Variants in SGK1 observed in about 807,000 individuals in gnomAD.
SGK1 encodes the protein serine/threonine-protein kinase Sgk1.
A neutral mutation model predicts 64.2 loss-of-function variants in SGK1; 26 were observed. The observed-to-expected ratio is 0.40, with a 90% confidence interval of 0.30 to 0.56. The LOEUF is 0.56. Among genes scored for constraint, SGK1 ranks in the 20% least tolerant of loss-of-function variants. SGK1 has a pLI of 0.38. For missense variants in SGK1, 519 were observed against 645.6 expected (o/e 0.80, Z 2.12); for synonymous variants, 265 against 239.7 (o/e 1.11, Z -0.98).
chr6:134,170,266 G>T lies in SGK1; in HGVS notation c.*2C>A. 1.2e-6 allele frequency: 2 copies of T among 1,609,636 alleles called. No homozygotes were observed. Among genetic ancestry groups the T allele is most frequent in the South Asian group, 1.1e-5 (1 of 90,904 alleles). The stretch of plus-strand genomic sequence containing the variant: ...TCCTTTAAAACCAAGCCCTAACAGG[G>T]TTCAGAGGAAAGAGTCCGTGGGAGG... On this transcript the variant is annotated 3_prime_UTR_variant, in exon 14 of 14. Coordinates refer to ENST00000367858, the MANE Select transcript of SGK1 (RefSeq NM_001143676.3).
At chr6:134,177,675 G>A (rs200679258) in intron 3 of SGK1, 23 of 1,613,864 alleles carry the variant, frequency 1.4e-5, no homozygotes, top group Middle Eastern at 1.7e-4. Flanking sequence ...TTCAAAGGGG[G>A]TTTTATAGCT....
At chr6:134,191,329 A>G (rs1775505441) in intron 3 of SGK1, among the ~76,000 whole-genome samples, 1 of 152,170 alleles carries the variant, frequency 6.6e-6, no homozygotes, top group African/African-American at 2.4e-5. Flanking sequence ...TCCCCCATAC[A>G]ATATTCCTGA....
intron 2 of SGK1, among the ~76,000 whole-genome samples, chr6:134,231,910 G>A (rs958909619): frequency 2.0e-5 from 3 of 151,290 alleles, no homozygotes. Context: ...CGTGGTGGCA[G>A]AAGCCTGTAA....
At chr6:134,228,841 CTTTTTTTTT>C (rs754300980) in intron 2 of SGK1, among the ~76,000 whole-genome samples, 1 of 129,960 alleles carries the variant, frequency 7.7e-6, no homozygotes, top group Admixed American at 8.1e-5. Flanking sequence ...TGTAGTTGTT[CTTTTTTTTT>C]TTTTTTTTTT....
intron 1 of SGK1, chr6:134,297,797 G>C (rs763403743): frequency 1.3e-5 from 8 of 603,878 alleles, no homozygotes; most frequent in Non-Finnish European, 2.4e-5. Flanking sequence ...CACTGCGCCC[G>C]GCCTAGATCT....
intron 2 of SGK1, among the ~76,000 whole-genome samples, chr6:134,247,044 T>C (rs1402671920): frequency 2.0e-5 from 3 of 152,052 alleles, no homozygotes; most frequent in African/African-American, 7.2e-5. Context: ...GCAAGTAATA[T>C]GCCCAGAGAC....
chr6:134,232,973 T>A (rs1776312998), intron 2 of SGK1, among the ~76,000 whole-genome samples: 1 of 150,228 alleles, frequency 6.7e-6, no homozygotes, highest in Non-Finnish European at 1.5e-5. Flanking sequence ...CTTCAATTTT[T>A]AATAATATTT....
At chr6:134,177,252 CAAAA>C (rs1175257516) in intron 3 of SGK1, among the ~76,000 whole-genome samples, 7 of 151,758 alleles carry the variant, frequency 4.6e-5, no homozygotes, top group South Asian at 2.1e-4. Flanking sequence ...AAAACAAAAA[CAAAA>C]AAAACACTAG....
intron 1 of SGK1, among the ~76,000 whole-genome samples, chr6:134,272,462 G>GTGT (rs1224313861): frequency 2.0e-5 from 3 of 146,764 alleles, no homozygotes; most frequent in Non-Finnish European, 4.5e-5. Context: ...CCTCATTCCA[G>GTGT]TGTTGTTGTT....
intron 2 of SGK1, among the ~76,000 whole-genome samples, chr6:134,213,804 C>T (rs573763277): frequency 1.3e-5 from 2 of 151,930 alleles, no homozygotes; most frequent in South Asian, 2.1e-4. Context: ...GAGAATTTCT[C>T]CAATAGGATA....
At chr6:134,279,238 C>T (rs953431877) in intron 1 of SGK1, among the ~76,000 whole-genome samples, 4 of 151,964 alleles carry the variant, frequency 2.6e-5, no homozygotes, top group Admixed American at 6.6e-5. Context: ...TCAAGACTAG[C>T]CTGGCCAACA....
In SGK1 at chr6:134,261,968, C is replaced by T. The variant is rs201480156; in HGVS notation, c.250G>A (p.Glu84Lys). ...FQRGVLPQEN[E>K]SCSWETQSGC... is the part of the protein sequence containing the mutation. Reference sequence around the variant, plus strand: ...GATTGAGTTTCCCATGAACATGACTCGTTCTCCTGAGGGAGAACCCCTCTT... The same window carrying T: ...GATTGAGTTTCCCATGAACATGACTTGTTCTCCTGAGGGAGAACCCCTCTT... Residue 84 changes from glutamate to lysine, a missense_variant, in exon 2 of 14, where the codon GAG becomes AAG. This residue lies in a region of SGK1 where 241 missense variants were observed against 236.9 expected (regional missense o/e 1.02). Transcript: ENST00000367858. 9.7e-5 allele frequency: 157 copies of T among 1,613,284 alleles called. No individual in the cohort carries two copies. The highest frequency in any genetic ancestry group is 1.2e-4 in the Non-Finnish European group (140 of 1,179,372).
intron 1 of SGK1, among the ~76,000 whole-genome samples, chr6:134,281,025 A>G (rs1168699691): frequency 6.6e-6 from 1 of 152,094 alleles, no homozygotes; most frequent in Admixed American, 6.5e-5. Context: ...CCAAGATCGC[A>G]CCATTGCACT....
chr6:134,177,258 A>C (rs1013755914), intron 3 of SGK1, among the ~76,000 whole-genome samples: 7 of 152,164 alleles, frequency 4.6e-5, no homozygotes, highest in African/African-American at 1.7e-4. Context: ...AAAACAAAAA[A>C]AACACTAGTA....
At chr6:134,223,166 C>T (rs1220161483) in intron 2 of SGK1, among the ~76,000 whole-genome samples, 1 of 151,378 alleles carries the variant, frequency 6.6e-6, no homozygotes, top group Non-Finnish European at 1.5e-5. Flanking sequence ...GTTGGGAGTT[C>T]GAGACCAGCC....
rs1775436316 is a variant in SGK1, at chr6:134,187,030, G to T, written c.362-12444C>A. On this transcript the variant is annotated intron_variant, in intron 3 of 13. Transcript: ENST00000367858. The stretch of plus-strand genomic sequence containing the variant: ...GGGGTTTCAGTATGTAGGTCAAGCT[G>T]GTCTCGAACTCCTAACCTCAAATGA... 2.0e-5 allele frequency among the ~76,000 whole-genome samples: 3 copies of T among 152,126 alleles called. No homozygotes were observed. In the South Asian group the frequency reaches 6.2e-4, roughly 32 times the overall value.
chr6:134,298,421 C>A, intron 1 of SGK1: 1 of 1,012,122 alleles, frequency 9.9e-7, no homozygotes. Flanking sequence ...TTGATCTTCC[C>A]CTTCTTTTGG....
intron 1 of SGK1, among the ~76,000 whole-genome samples, chr6:134,307,506 C>G (rs1375149071): frequency 2.0e-5 from 3 of 152,180 alleles, no homozygotes; most frequent in Admixed American, 1.3e-4. Flanking sequence ...CATAGATGCT[C>G]AACCCCCTGA....
intron 2 of SGK1, among the ~76,000 whole-genome samples, chr6:134,258,470 C>T (rs1286892983): frequency 2.0e-5 from 3 of 152,160 alleles, no homozygotes; most frequent in African/African-American, 4.8e-5. Flanking sequence ...TTTGGGAGGC[C>T]GAGGCAGGCG....
Sources: gnomAD v4.1 joint callset for allele counts (sites outside exome capture counted in the v4.1 genomes callset) on GRCh38, gnomAD v4.1.1 for gene constraint, gnomAD v4.1.1 regional missense constraint, MANE v1.5 for transcripts, NCBI Gene and HGNC (gene_info 2026-07-23, HGNC 2026-07-21) for gene names.